Variants in DAZAP1 observed in about 807,000 individuals in gnomAD.
DAZAP1 encodes DAZ associated protein 1.
Under a neutral mutation model 60.1 loss-of-function variants are expected in DAZAP1, and 6 were observed. That is an observed-to-expected ratio of 0.10 (90% CI 0.05 to 0.20). The LOEUF (loss-of-function observed/expected upper bound fraction) is 0.20. DAZAP1 is among the 10% of genes least tolerant of loss of function. DAZAP1 has a pLI of 1.00. For missense variants in DAZAP1, 366 were observed against 560.4 expected (o/e 0.65, Z 3.50); for synonymous variants, 235 against 215.9 (o/e 1.09, Z -0.78).
In DAZAP1 at chr19:1,428,557, C is replaced by A; in HGVS notation, c.547-285C>A. On this transcript the variant is annotated intron_variant, in intron 7 of 11. Transcript: ENST00000233078. The surrounding 1 kb of genome is among the most constrained non-coding windows in gnomAD (Gnocchi z 4.0). Reference sequence around the variant, plus strand: ...AAGACCCTTCGTCACGCACGAAACCCCCGAGGGCTCTGGGCTCGGTCCTGC... The same window carrying A: ...AAGACCCTTCGTCACGCACGAAACCACCGAGGGCTCTGGGCTCGGTCCTGC... 1 of 359,298 alleles carries A rather than the reference C, an allele frequency of 2.8e-6. No homozygotes were observed. The highest frequency in any genetic ancestry group is 4.3e-5 in the South Asian group (1 of 23,194). 22.3% of individuals were successfully genotyped at this position (359,298 alleles called of 1,614,324 possible). A position where few individuals can be genotyped will look rare whatever the true frequency, so the allele number is the denominator to read the frequency against.
In DAZAP1 at chr19:1,428,652, C is replaced by G. The variant is rs1044284643; in HGVS notation, c.547-190C>G. On this transcript the variant is annotated intron_variant, in intron 7 of 11. Coordinates refer to ENST00000233078, the MANE Select transcript of DAZAP1 (RefSeq NM_018959.4). This position sits in a 1 kb window ranked among gnomAD's most constrained non-coding sequence, Gnocchi z 4.0. Reference sequence around the variant, plus strand: ...TTGTACCTGAGAAACATTTTTTAAACAAAAAAATTCAACACAAAAGAATTT... The same window carrying G: ...TTGTACCTGAGAAACATTTTTTAAAGAAAAAAATTCAACACAAAAGAATTT... 1.4e-6 allele frequency: 1 copy of G among 726,382 alleles called. No individual in the cohort carries two copies. The highest frequency in any genetic ancestry group is 1.8e-5 in the African/African-American group (1 of 54,206). 45.0% of individuals were successfully genotyped at this position (726,382 alleles called of 1,614,324 possible).
At position 1,433,605 on chromosome 19, in the gene DAZAP1, A is replaced by G. The variant is rs2144950027; in HGVS notation, c.1048+915A>G. Reference sequence around the variant, plus strand: ...TGCCGCATGTGTGGGTTCTTGACCCACTCACCACCAAACCCTGGCGTGTCT... The same window carrying G: ...TGCCGCATGTGTGGGTTCTTGACCCGCTCACCACCAAACCCTGGCGTGTCT... On this transcript the variant is annotated intron_variant, in intron 11 of 11. Transcript: ENST00000233078. The surrounding 1 kb of genome is among the most constrained non-coding windows in gnomAD (Gnocchi z 6.1). 2.8e-6 allele frequency: 2 copies of G among 704,930 alleles called. No individual in the cohort carries two copies. Among genetic ancestry groups the G allele is most frequent in the East Asian group, 5.3e-5 (2 of 37,968 alleles). 43.7% of individuals were successfully genotyped at this position (704,930 alleles called of 1,614,324 possible).
At chr19:1,431,274 G>A (rs1383847903) in intron 10 of DAZAP1, among the ~76,000 whole-genome samples, 4 of 150,974 alleles carry the variant, frequency 2.6e-5, no homozygotes, top group Non-Finnish European at 4.4e-5. Context: ...GACTACAGGC[G>A]CCCACCACCA....
rs930144632 is a variant in DAZAP1 at position 1,426,048 on chromosome 19, G to C, written c.546+88G>C. 1.4e-5 allele frequency: 14 copies of C among 999,988 alleles called. No homozygotes were observed. In the African/African-American group the frequency reaches 2.1e-4, roughly 15 times the overall value. The allele number at this position is 999,988 out of a possible 1,614,324, so 61.9% of individuals were successfully genotyped here. A position where few individuals can be genotyped will look rare whatever the true frequency, so the allele number is the denominator to read the frequency against. On this transcript the variant is annotated intron_variant, in intron 7 of 11. Coordinates refer to ENST00000233078, the MANE Select transcript of DAZAP1 (RefSeq NM_018959.4). The surrounding 1 kb of genome is among the most constrained non-coding windows in gnomAD (Gnocchi z 5.4). ...TCACTGGAAAGGAACATTCCTTCACGGAAAGGGTCGGGCGAGTTCGTCCTG... is the reference window on the plus strand; with the variant it reads ...TCACTGGAAAGGAACATTCCTTCACCGAAAGGGTCGGGCGAGTTCGTCCTG...
In DAZAP1 at chr19:1,423,022, C is replaced by T. The variant is rs932742484; in HGVS notation, c.463+626C>T. Reference sequence around the variant, plus strand: ...GCGCCCAGTTTCTGTGCCCCTTTTCCGTGGCTGCTGCTGTCTGTCCCGCCC... The same window carrying T: ...GCGCCCAGTTTCTGTGCCCCTTTTCTGTGGCTGCTGCTGTCTGTCCCGCCC... On this transcript the variant is annotated intron_variant, in intron 6 of 11. Transcript: ENST00000233078. This position sits in a 1 kb window ranked among gnomAD's most constrained non-coding sequence, Gnocchi z 6.8. Among the ~76,000 whole-genome samples the T allele has an allele frequency of 3.9e-5, 6 of 152,182 alleles. No homozygotes were observed. The highest frequency in any genetic ancestry group is 1.4e-4 in the African/African-American group (6 of 41,556).
rs2083234272 is a variant in DAZAP1 at position 1,423,990 on chromosome 19, C to T, written c.463+1594C>T. 6.6e-6 allele frequency among the ~76,000 whole-genome samples: 1 copy of T among 152,222 alleles called. No individual in the cohort carries two copies. The highest frequency in any genetic ancestry group is 6.5e-5 in the Admixed American group (1 of 15,288). ...AGGCGAGTGGAGGGCCGGAGAGACG[C>T]TGCGGCGCTGCTTAGCGGGTCCTCC... On this transcript the variant is annotated intron_variant, in intron 6 of 11. Coordinates refer to ENST00000233078, the MANE Select transcript of DAZAP1 (RefSeq NM_018959.4). This position sits in a 1 kb window ranked among gnomAD's most constrained non-coding sequence, Gnocchi z 6.8.
At position 1,433,869 on chromosome 19, in the gene DAZAP1, C is replaced by T. The variant is rs2083522635; in HGVS notation, c.1049-868C>T. The T allele has an allele frequency of 6.4e-7, 1 of 1,565,868 alleles. No individual in the cohort carries two copies. The highest frequency in any genetic ancestry group is 1.4e-5 in the African/African-American group (1 of 73,926). The stretch of plus-strand genomic sequence containing the variant: ...TCTCCAGGGTCCTCCCACCCGCCTG[C>T]ACCGGGAGGTGGACGTGGCTTCCTC... On this transcript the variant is annotated intron_variant, in intron 11 of 11. Transcript: ENST00000233078. This position sits in a 1 kb window ranked among gnomAD's most constrained non-coding sequence, Gnocchi z 6.1.
intron 6 of DAZAP1, among the ~76,000 whole-genome samples, chr19:1,424,226 C>T (rs965075953): frequency 6.6e-6 from 1 of 152,032 alleles, no homozygotes; most frequent in African/African-American, 2.4e-5. Flanking sequence ...CCGCTCCAGC[C>T]GCTGCCTCGT....
intron 4 of DAZAP1, among the ~76,000 whole-genome samples, chr19:1,420,032 G>A (rs11880161): frequency 3.6e-4 from 19 of 52,116 alleles, no homozygotes; most frequent in Admixed American, 5.1e-4. Context: ...CAGTCACGGC[G>A]GCGAGCACTC....
Position 1,428,747 on chromosome 19 carries a change from C to CT in DAZAP1, c.547-94dup. 1 of 1,425,002 alleles carries CT rather than the reference C, an allele frequency of 7.0e-7. No homozygotes were observed. Among genetic ancestry groups the CT allele is most frequent in the Middle Eastern group, 1.8e-4 (1 of 5,498 alleles). 88.3% of individuals were successfully genotyped at this position (1,425,002 alleles called of 1,614,324 possible). A position where few individuals can be genotyped will look rare whatever the true frequency, so the allele number is the denominator to read the frequency against. On this transcript the variant is annotated intron_variant, in intron 7 of 11. Transcript: ENST00000233078. This position sits in a 1 kb window ranked among gnomAD's most constrained non-coding sequence, Gnocchi z 4.0. ...GTATTTAGTCTTAAGTTGTAAGATG[C>CT]TAAGTGTAGTCATAAGTTACCCGAG...
In DAZAP1 at chr19:1,425,817, C is replaced by A; in HGVS notation, c.464-61C>A. The A allele has an allele frequency of 3.4e-6, 4 of 1,162,344 alleles. No individual in the cohort carries two copies. The South Asian group carries it at 3.7e-5, about 11-fold the overall frequency. 72.0% of individuals were successfully genotyped at this position (1,162,344 alleles called of 1,614,324 possible). On this transcript the variant is annotated intron_variant, in intron 6 of 11. Coordinates refer to ENST00000233078, the MANE Select transcript of DAZAP1 (RefSeq NM_018959.4). The surrounding 1 kb of genome is among the most constrained non-coding windows in gnomAD (Gnocchi z 5.4). ...CCCTCGGCCCGTCCCTAATACTGTT[C>A]ATCATCCTGTTTTGTGTCACAACAC...
Position 1,418,060 on chromosome 19 carries a change from TC to T in DAZAP1, c.71-141del. The T allele has an allele frequency of 1.3e-6, 1 of 781,320 alleles. No individual in the cohort carries two copies. The highest frequency in any genetic ancestry group is 2.0e-6 in the Non-Finnish European group (1 of 488,822). 48.4% of individuals were successfully genotyped at this position (781,320 alleles called of 1,614,324 possible). On this transcript the variant is annotated intron_variant, in intron 2 of 11. Transcript: ENST00000233078. The surrounding 1 kb of genome is among the most constrained non-coding windows in gnomAD (Gnocchi z 5.7). ...GTGTTGGGCAGAATTCCCCAGCGCTTCCCGTACACCCCCCACCCCCAGTGCA... is the reference window on the plus strand; with the variant it reads ...GTGTTGGGCAGAATTCCCCAGCGCTTCCGTACACCCCCCACCCCCAGTGCA...
At position 1,429,978 on chromosome 19, in the gene DAZAP1, C is replaced by T; in HGVS notation, c.712C>T (p.Pro238Ser). Residue 238 changes from proline to serine, a missense_variant, in exon 9 of 12, where the codon CCG becomes TCG. Physicochemically the swap from Pro to Ser is moderately conservative, Grantham distance 74. Coordinates refer to ENST00000233078, the MANE Select transcript of DAZAP1 (RefSeq NM_018959.4). The part of the protein sequence containing the change: ...QGYGPQGMWV[P>S]AGQAIGGYGP... ...GTTCTCTTATCTAGGAATGTGGGTG[C>T]CGGCAGGACAGGCGATTGGTAAGTC... 6.4e-7 allele frequency: 1 copy of T among 1,571,164 alleles called. No homozygotes were observed. The highest frequency in any genetic ancestry group is 1.2e-5 in the South Asian group (1 of 85,796).
rs3065755 is a variant in DAZAP1, at chr19:1,413,989, CTGTGTGTG to C, written c.30-3475_30-3468del. On this transcript the variant is annotated intron_variant, in intron 1 of 11. Coordinates refer to ENST00000233078, the MANE Select transcript of DAZAP1 (RefSeq NM_018959.4). The stretch of plus-strand genomic sequence containing the variant: ...TGCCTCTTGCCCCACCCCCAGTGAA[CTGTGTGTG>C]TGTGTGTGTGTGTGTGTGTGTGTGT... 4.3e-3 allele frequency among the ~76,000 whole-genome samples: 561 copies of C among 130,146 alleles called. 4 individuals are homozygous for C. Among genetic ancestry groups the C allele is most frequent in the East Asian group, 0.033 (145 of 4,398 alleles). 85.4% of individuals were successfully genotyped at this position (130,146 alleles called of 152,430 possible). A position where few individuals can be genotyped will look rare whatever the true frequency, so the allele number is the denominator to read the frequency against.
At chr19:1,417,460 G>A (rs1242517499) in intron 1 of DAZAP1, 40 bp from the exon 2 acceptor site, 5 of 1,581,488 alleles carry the variant, frequency 3.2e-6, no homozygotes, top group South Asian at 1.2e-5. Flanking sequence ...TCTAAGGCGA[G>A]CGCTGTCTTG....
chr19:1,418,486 C>T lies in DAZAP1; in HGVS notation c.237+116C>T, dbSNP rs188609271. 32 of 1,448,170 alleles carry T rather than the reference C, an allele frequency of 2.2e-5. No homozygotes were observed. The highest frequency in any genetic ancestry group is 2.2e-4 in the Middle Eastern group (1 of 4,584). 89.7% of individuals were successfully genotyped at this position (1,448,170 alleles called of 1,614,324 possible). On this transcript the variant is annotated intron_variant, in intron 3 of 11. Transcript: ENST00000233078. This position sits in a 1 kb window ranked among gnomAD's most constrained non-coding sequence, Gnocchi z 5.7. Reference sequence around the variant, plus strand: ...GTTAGAGTATGTTTGAACGTGGGGTCGATTGGGAAGGATTAAGCCTTGGTG... The same window carrying T: ...GTTAGAGTATGTTTGAACGTGGGGTTGATTGGGAAGGATTAAGCCTTGGTG...
rs918019152 is a variant in DAZAP1 at position 1,433,328 on chromosome 19, G to A, written c.1048+638G>A. On this transcript the variant is annotated intron_variant, in intron 11 of 11. Coordinates refer to ENST00000233078, the MANE Select transcript of DAZAP1 (RefSeq NM_018959.4). The surrounding 1 kb of genome is among the most constrained non-coding windows in gnomAD (Gnocchi z 6.1). ...CACAGCAGCCTTGCTCAGGACCAAC[G>A]CGGTGGCCTCAGTGGGCAGGGCTCC... The A allele has an allele frequency of 1.6e-5, 4 of 250,280 alleles. No homozygotes were observed. Among genetic ancestry groups the A allele is most frequent in the East Asian group, 1.1e-4 (1 of 8,706 alleles). The allele number at this position is 250,280 out of a possible 1,614,324, so 15.5% of individuals were successfully genotyped here.
chr19:1,419,969 C>A (rs572967507), intron 4 of DAZAP1, among the ~76,000 whole-genome samples: 29 of 107,006 alleles, frequency 2.7e-4, no homozygotes, highest in East Asian at 6.0e-4. Context: ...ACCATCCCTA[C>A]AGTCACGGCG....
chr19:1,407,619 A>AGCCGCC lies in DAZAP1; in HGVS notation c.-117_-112dup, dbSNP rs878911770. On this transcript the variant is annotated 5_prime_UTR_variant, in exon 1 of 12. Transcript: ENST00000233078. ...ACCGTTGGCGCCGAGGGGAGGAGGC[A>AGCCGCC]GCCGCCGCCGCCGCCGCCGCCGCCG... 0.086 allele frequency: 20,647 copies of AGCCGCC among 239,316 alleles called. 1,515 individuals are homozygous for AGCCGCC. The highest frequency in any genetic ancestry group is 0.15 in the African/African-American group (5,912 of 39,012). 14.8% of individuals were successfully genotyped at this position (239,316 alleles called of 1,614,324 possible).
Sources: allele counts gnomAD v4.1 joint callset (sites outside exome capture counted in the v4.1 genomes callset), GRCh38; gene constraint gnomAD v4.1.1; non-coding constraint Gnocchi (gnomAD v3.1); transcripts MANE v1.5; gene names NCBI Gene and HGNC (gene_info 2026-07-23, HGNC 2026-07-21).